Variants in ZFHX4 observed in about 807,000 individuals in gnomAD.
ZFHX4 encodes zinc finger homeobox protein 4.
In ZFHX4, 56 loss-of-function variants were observed where a neutral mutation model predicts 267.6. The ratio of observed to expected loss-of-function variants is 0.21; its 90% confidence interval spans 0.17 to 0.26. The LOEUF is 0.26. ZFHX4 is among the 10% of genes least tolerant of loss of function. The pLI is 1.00. For missense variants in ZFHX4, 4,332 were observed against 4,420.0 expected (o/e 0.98, Z 0.56); for synonymous variants, 1,778 against 1,665.6 (o/e 1.07, Z -1.64).
intron 3 of ZFHX4, among the ~76,000 whole-genome samples, chr8:76,768,169 A>G (rs893035229): frequency 2.6e-5 from 4 of 152,140 alleles, no homozygotes; most frequent in Admixed American, 6.6e-5. Context: ...TAAGTTATAG[A>G]CATTTAAAAA....
chr8:76,830,015 G>A (rs982478927), intron 4 of ZFHX4, among the ~76,000 whole-genome samples: 1 of 152,078 alleles, frequency 6.6e-6, no homozygotes, highest in Non-Finnish European at 1.5e-5. Context: ...CAAAACTATA[G>A]TTCAATGTAT....
intron 6 of ZFHX4, among the ~76,000 whole-genome samples, chr8:76,847,234 G>A (rs1812386462): frequency 6.6e-6 from 1 of 152,054 alleles, no homozygotes; most frequent in Non-Finnish European, 1.5e-5. Flanking sequence ...CTTTGAGAAA[G>A]AAACATATAT....
Position 76,704,736 on chromosome 8 carries a change from A to T in ZFHX4, c.648A>T (p.Ala216=). 6.2e-7 allele frequency: 1 copy of T among 1,613,968 alleles called. No individual in the cohort carries two copies. The highest frequency in any genetic ancestry group is 2.2e-5 in the East Asian group (1 of 44,864). ...ATCAGGCTTTCCCAAATACCTCAGC[A>T]TTAGCAGGAGTTGGTCCTGTGTTGC... ...TADQAFPNTS[A]LAGVGPVLHS... Residue 216 remains alanine (A), a synonymous_variant, in exon 2 of 11, where the codon GCA becomes GCT. Coordinates refer to ENST00000651372, the MANE Select transcript of ZFHX4 (RefSeq NM_024721.5).
intron 3 of ZFHX4, among the ~76,000 whole-genome samples, chr8:76,724,734 C>A (rs1036174978): frequency 6.6e-6 from 1 of 152,012 alleles, no homozygotes; most frequent in African/African-American, 2.4e-5. Context: ...TTGCAGAAAT[C>A]CACTTCCTTT....
At position 76,704,811 on chromosome 8, in the gene ZFHX4, A is replaced by G. The variant is rs759742407; in HGVS notation, c.723A>G (p.Leu241=). ...GACACAAGAGAGAGAAAGACTATCT[A>G]ACCAGTGATGGCTCAGCCAAAAACT... is the stretch of plus-strand genomic sequence containing the variant. The part of the protein sequence containing the change: ...DLRHKREKDY[L]TSDGSAKNSC... The change falls in exon 2 of 11, where the codon CTA becomes CTG. Residue 241 remains leucine (L), a synonymous_variant. Coordinates refer to ENST00000651372, the MANE Select transcript of ZFHX4 (RefSeq NM_024721.5). 3 of 1,614,150 alleles carry G rather than the reference A, an allele frequency of 1.9e-6. No individual in the cohort carries two copies. Among genetic ancestry groups the G allele is most frequent in the Non-Finnish European group, 2.5e-6 (3 of 1,179,994 alleles).
intron 5 of ZFHX4, among the ~76,000 whole-genome samples, chr8:76,841,039 C>T (rs1345894035): frequency 1.3e-5 from 2 of 152,180 alleles, no homozygotes. Context: ...GGGAAGCTTC[C>T]CTCAAACCCT....
At chr8:76,734,853 CAT>C (rs1385719346) in intron 3 of ZFHX4, among the ~76,000 whole-genome samples, 1 of 152,100 alleles carries the variant, frequency 6.6e-6, no homozygotes, top group African/African-American at 2.4e-5. Flanking sequence ...TGCACTGTAA[CAT>C]GTAATAAGAA....
At chr8:76,792,658 C>T (rs1317060921) in intron 4 of ZFHX4, among the ~76,000 whole-genome samples, 1 of 152,134 alleles carries the variant, frequency 6.6e-6, no homozygotes, top group Non-Finnish European at 1.5e-5. Flanking sequence ...CCAGGGAGTG[C>T]CTGATGCAGA....
chr8:76,727,699 T>A (rs1808889856), intron 3 of ZFHX4, among the ~76,000 whole-genome samples: 1 of 152,162 alleles, frequency 6.6e-6, no homozygotes, highest in African/African-American at 2.4e-5. Flanking sequence ...TCTTTCTGGG[T>A]AGAAATTCCT....
chr8:76,797,800 T>C (rs944172894), intron 4 of ZFHX4, among the ~76,000 whole-genome samples: 2 of 152,088 alleles, frequency 1.3e-5, no homozygotes, highest in Admixed American at 6.6e-5. Flanking sequence ...GTGATGTAAC[T>C]ATAAGAGGTA....
intron 10 of ZFHX4, among the ~76,000 whole-genome samples, chr8:76,860,847 A>C (rs1289280492): frequency 1.3e-5 from 2 of 152,198 alleles, no homozygotes; most frequent in African/African-American, 2.4e-5. Context: ...TGAATCTGGT[A>C]TATATTGAAC....
At chr8:76,759,292 G>A (rs923021160) in intron 3 of ZFHX4, among the ~76,000 whole-genome samples, 5 of 152,156 alleles carry the variant, frequency 3.3e-5, no homozygotes, top group East Asian at 1.9e-4. Flanking sequence ...CTATTCCCCC[G>A]TTTGCTATTT....
At chr8:76,733,774 C>A (rs1476145406) in intron 3 of ZFHX4, among the ~76,000 whole-genome samples, 1 of 152,108 alleles carries the variant, frequency 6.6e-6, no homozygotes, top group Non-Finnish European at 1.5e-5. Flanking sequence ...CCCCAAACCT[C>A]AGCAGGGAAA....
At chr8:76,804,352 T>G (rs1337272872) in intron 4 of ZFHX4, among the ~76,000 whole-genome samples, 1 of 152,164 alleles carries the variant, frequency 6.6e-6, no homozygotes, top group Non-Finnish European at 1.5e-5. Flanking sequence ...AGTGACTTTA[T>G]GATTTCTAGT....
intron 4 of ZFHX4, among the ~76,000 whole-genome samples, chr8:76,794,611 G>A (rs1380916270): frequency 4.6e-5 from 7 of 152,090 alleles, no homozygotes; most frequent in African/African-American, 1.7e-4. Context: ...AGCTGAAAAT[G>A]TGTTCTATAC....
At chr8:76,721,943 G>A (rs1173408885) in intron 3 of ZFHX4, among the ~76,000 whole-genome samples, 1 of 151,900 alleles carries the variant, frequency 6.6e-6, no homozygotes, top group Non-Finnish European at 1.5e-5. Context: ...TAACTGACAG[G>A]ATTTTTTTTT....
chr8:76,733,856 A>T (rs1409536208), intron 3 of ZFHX4, among the ~76,000 whole-genome samples: 1 of 152,158 alleles, frequency 6.6e-6, no homozygotes, highest in African/African-American at 2.4e-5. Context: ...CCGATGCCAG[A>T]TGATGTATCC....
At chr8:76,828,389 AT>A (rs1811842713) in intron 4 of ZFHX4, among the ~76,000 whole-genome samples, 1 of 152,120 alleles carries the variant, frequency 6.6e-6, no homozygotes, top group Non-Finnish European at 1.5e-5. Flanking sequence ...TCAGACACTC[AT>A]TCAAATCTCA....
chr8:76,788,407 C>T (rs867383187), intron 4 of ZFHX4, among the ~76,000 whole-genome samples: 9 of 152,300 alleles, frequency 5.9e-5, no homozygotes, highest in South Asian at 4.1e-4. Flanking sequence ...TAGAACTTAG[C>T]ATTCAGTTAC....
Sources: gnomAD v4.1 joint callset for allele counts (sites outside exome capture counted in the v4.1 genomes callset) on GRCh38, gnomAD v4.1.1 for gene constraint, MANE v1.5 for transcripts, NCBI Gene and HGNC (gene_info 2026-07-23, HGNC 2026-07-21) for gene names.